MAP2K1: variants seen among roughly 807,000 people sequenced by gnomAD.
The protein encoded by MAP2K1 is dual specificity mitogen-activated protein kinase kinase 1.
Under a neutral mutation model 46.3 loss-of-function variants are expected in MAP2K1, and 16 were observed. The ratio of observed to expected loss-of-function variants is 0.35; its 90% confidence interval spans 0.23 to 0.52. The LOEUF (loss-of-function observed/expected upper bound fraction) is 0.52. Among genes scored for constraint, MAP2K1 ranks in the 20% least tolerant of loss-of-function variants. MAP2K1 has a pLI of 0.94. For missense variants in MAP2K1, 263 were observed against 497.1 expected (o/e 0.53, Z 4.48); for synonymous variants, 183 against 185.6 (o/e 0.99, Z 0.11).
At chr15:66,409,078 C>T (rs1055476174) in intron 1 of MAP2K1, among the ~76,000 whole-genome samples, 3 of 152,162 alleles carry the variant, frequency 2.0e-5, no homozygotes, top group Non-Finnish European at 2.9e-5. Flanking sequence ...GTAACCGTAG[C>T]ATCTGTCCTG....
At chr15:66,387,689 T>A (rs935179811) in intron 1 of MAP2K1, among the ~76,000 whole-genome samples, 1 of 152,312 alleles carries the variant, frequency 6.6e-6, no homozygotes, top group Non-Finnish European at 1.5e-5. Context: ...CACTGTACAG[T>A]CTTCTCCCAA....
At position 66,440,070 on chromosome 15, in the gene MAP2K1, T is replaced by TG. The variant is rs1322758539; in HGVS notation, c.438+3184dup. 2.0e-5 allele frequency among the ~76,000 whole-genome samples: 3 copies of TG among 151,520 alleles called. No individual in the cohort carries two copies. In the East Asian group the frequency reaches 5.8e-4, roughly 29 times the overall value. On this transcript the variant is annotated intron_variant, in intron 3 of 10. Coordinates refer to ENST00000307102, the MANE Select transcript of MAP2K1 (RefSeq NM_002755.4). ...ATATATCCATTTCTCCGATCAATTT[T>TG]GGGGGGCGCGTGGGGTTCTGTTTTT...
chr15:66,401,890 C>T (rs2140526413), intron 1 of MAP2K1: 1 of 910,158 alleles, frequency 1.1e-6, no homozygotes, highest in South Asian at 1.4e-5. Flanking sequence ...GAGAAGCCAG[C>T]AAGTAGTTGA....
Position 66,472,557 on chromosome 15 carries a change from C to T in MAP2K1, c.569-9198C>T, listed in dbSNP as rs188687171. On this transcript the variant is annotated intron_variant, in intron 5 of 10. Coordinates refer to ENST00000307102, the MANE Select transcript of MAP2K1 (RefSeq NM_002755.4). ...TGACAGGGAGCTGTAAGTGGCCCAG[C>T]CTGGGTCAGGGGGCTGCCCTGTAGC... 3.6e-3 allele frequency among the ~76,000 whole-genome samples: 555 copies of T among 152,290 alleles called. 2 individuals are homozygous for T. The highest frequency in any genetic ancestry group is 0.013 in the African/African-American group (530 of 41,574).
chr15:66,449,563 A>G (rs529449363), intron 5 of MAP2K1, among the ~76,000 whole-genome samples: 22 of 152,250 alleles, frequency 1.4e-4, no homozygotes, highest in South Asian at 6.2e-4. Context: ...CATTTTTGAA[A>G]ATGCATGAAA....
intron 1 of MAP2K1, among the ~76,000 whole-genome samples, chr15:66,398,783 T>G (rs1243062611): frequency 7.8e-5 from 1 of 12,826 alleles, no homozygotes; most frequent in Admixed American, 1.4e-3. Flanking sequence ...TTTTTTTTCT[T>G]TTTTTTTTTG....
chr15:66,424,816 C>G (rs7176130), intron 1 of MAP2K1, among the ~76,000 whole-genome samples: 5 of 123,850 alleles, frequency 4.0e-5, no homozygotes, highest in African/African-American at 9.3e-5. Flanking sequence ...TTTTTTTTTG[C>G]GATGGAATTT....
chr15:66,464,932 G>T (rs537612215), intron 5 of MAP2K1, among the ~76,000 whole-genome samples: 1 of 151,674 alleles, frequency 6.6e-6, no homozygotes, highest in Non-Finnish European at 1.5e-5. Flanking sequence ...AATCTAACAG[G>T]TGTACTATAG....
intron 1 of MAP2K1, among the ~76,000 whole-genome samples, chr15:66,412,642 G>A (rs1309645798): frequency 6.6e-6 from 1 of 152,110 alleles, no homozygotes; most frequent in Non-Finnish European, 1.5e-5. Flanking sequence ...TATCTTACAT[G>A]CATTTTAGAT....
chr15:66,481,537 A>G (rs966290183), intron 5 of MAP2K1, among the ~76,000 whole-genome samples: 13 of 152,254 alleles, frequency 8.5e-5, no homozygotes, highest in African/African-American at 2.9e-4. Context: ...TTCTACTTCT[A>G]CAGCAGCTGC....
intron 1 of MAP2K1, among the ~76,000 whole-genome samples, chr15:66,421,093 TACACACACACACAC>T (rs71454561): frequency 0.077 from 9,904 of 128,770 alleles, 1,157 homozygotes; most frequent in African/African-American, 0.28. Flanking sequence ...TACACACACA[TACACACACACACAC>T]ACACACACAC....
chr15:66,420,450 C>CG (rs2093435144), intron 1 of MAP2K1, among the ~76,000 whole-genome samples: 1 of 149,656 alleles, frequency 6.7e-6, no homozygotes, highest in African/African-American at 2.5e-5. Context: ...CTACCCCAAA[C>CG]GCTGAGGTGG....
intron 1 of MAP2K1, among the ~76,000 whole-genome samples, chr15:66,427,515 A>G (rs2093462257): frequency 1.3e-5 from 2 of 151,620 alleles, no homozygotes; most frequent in Admixed American, 1.3e-4. Context: ...GCCAAGATGC[A>G]CCACTGCACT....
chr15:66,430,072 C>CT (rs1164952203), intron 1 of MAP2K1, among the ~76,000 whole-genome samples: 1 of 152,172 alleles, frequency 6.6e-6, no homozygotes, highest in Non-Finnish European at 1.5e-5. Context: ...AGGAAGGTAA[C>CT]TTACCCAAGA....
At chr15:66,434,997 T>G (rs2140578189) in intron 1 of MAP2K1, 30 bp from the exon 2 acceptor site, 1 of 1,394,434 alleles carries the variant, frequency 7.2e-7, no homozygotes, top group Non-Finnish European at 1.0e-6. Flanking sequence ...CTGGTGACAG[T>G]ATTGACTTGT....
rs55900248 is a variant in MAP2K1 at position 66,412,668 on chromosome 15, C to T, written c.81-22359C>T. On this transcript the variant is annotated intron_variant, in intron 1 of 10. Transcript: ENST00000307102. Reference sequence around the variant, plus strand: ...CATTTTAGATATTTAAATATTAAAACAAATATTCTTATGGCAATTTTTGTT... The same window carrying T: ...CATTTTAGATATTTAAATATTAAAATAAATATTCTTATGGCAATTTTTGTT... Among the ~76,000 whole-genome samples, 1,155 of 152,216 alleles carry T rather than the reference C, an allele frequency of 7.6e-3. 8 individuals carry two copies. Among genetic ancestry groups the T allele is most frequent in the Non-Finnish European group, 0.011 (743 of 68,012 alleles).
intron 5 of MAP2K1, among the ~76,000 whole-genome samples, chr15:66,475,167 CCTT>C (rs1349606981): frequency 6.6e-6 from 1 of 152,034 alleles, no homozygotes; most frequent in Non-Finnish European, 1.5e-5. Context: ...TTAATTAGCT[CCTT>C]GAGGCCATGG....
chr15:66,432,131 A>T (rs1431125276), intron 1 of MAP2K1, among the ~76,000 whole-genome samples: 2 of 152,192 alleles, frequency 1.3e-5, no homozygotes, highest in Admixed American at 1.3e-4. Flanking sequence ...GTTGATGAAC[A>T]ATTTGTGATA....
chr15:66,452,808 A>G (rs1296628912), intron 5 of MAP2K1, among the ~76,000 whole-genome samples: 5 of 152,222 alleles, frequency 3.3e-5, no homozygotes, highest in African/African-American at 1.2e-4. Context: ...ATAATTTATA[A>G]GGAAACTAAA....
Sources: gnomAD v4.1 joint callset for allele counts (sites outside exome capture counted in the v4.1 genomes callset) on GRCh38, gnomAD v4.1.1 for gene constraint, MANE v1.5 for transcripts, NCBI Gene and HGNC (gene_info 2026-07-23, HGNC 2026-07-21) for gene names.